The following KIRREL3 variants were observed in gnomAD, a reference collection of about 807,000 sequenced individuals.
KIRREL3 encodes kirre like nephrin family adhesion molecule 3, also known as kin of IRRE-like protein 3.
A neutral mutation model predicts 89.7 loss-of-function variants in KIRREL3; 36 were observed. That is an observed-to-expected ratio of 0.40 (90% confidence interval 0.31 to 0.53). The LOEUF is 0.53. Among genes scored for constraint, KIRREL3 ranks in the 20% least tolerant of loss-of-function variants. KIRREL3 has a pLI of 0.49. For missense variants in KIRREL3, 864 were observed against 1,056.6 expected (o/e 0.82, Z 2.53); for synonymous variants, 445 against 441.4 (o/e 1.01, Z -0.10).
rs1957326085 is a variant in KIRREL3, at chr11:126,485,201, CAG to C, written c.434-11737_434-11736del. On this transcript the variant is annotated intron_variant, in intron 4 of 16. Coordinates refer to ENST00000525144, the MANE Select transcript of KIRREL3 (RefSeq NM_032531.4). The surrounding 1 kb of genome is among the most constrained non-coding windows in gnomAD (Gnocchi z 5.8). ...GACGTGTCTCCAAGGAGGTTGGGGA[CAG>C]AGAGAAAAGAGGAACAAGGAGCAAG... 6.6e-6 allele frequency among the ~76,000 whole-genome samples: 1 copy of C among 151,960 alleles called. No homozygotes were observed. Among genetic ancestry groups the C allele is most frequent in the African/African-American group, 2.4e-5 (1 of 41,360 alleles).
chr11:126,777,897 G>A (rs1565723572), intron 1 of KIRREL3, among the ~76,000 whole-genome samples: 1 of 152,148 alleles, frequency 6.6e-6, no homozygotes, highest in Admixed American at 6.5e-5. Flanking sequence ...CTTCCATGGT[G>A]ATAGAAATAC....
intron 2 of KIRREL3, among the ~76,000 whole-genome samples, chr11:126,546,589 C>T (rs934377651): frequency 6.6e-6 from 1 of 152,220 alleles, no homozygotes; most frequent in Non-Finnish European, 1.5e-5. Context: ...TATTCATTTT[C>T]TCTCCTCGGT....
intron 1 of KIRREL3, among the ~76,000 whole-genome samples, chr11:126,825,729 C>G (rs2134466946): frequency 6.6e-6 from 1 of 152,278 alleles, no homozygotes; most frequent in African/African-American, 2.4e-5. Context: ...TTGGGTCAAG[C>G]ACTTTATGTA....
chr11:126,587,588 A>G lies in KIRREL3; in HGVS notation c.56-24676T>C, dbSNP rs770794492. Among the ~76,000 whole-genome samples the G allele has an allele frequency of 5.9e-5, 9 of 152,218 alleles. No homozygotes were observed. The highest frequency in any genetic ancestry group is 1.0e-4 in the Non-Finnish European group (7 of 68,046). On this transcript the variant is annotated intron_variant, in intron 1 of 16. Coordinates refer to ENST00000525144, the MANE Select transcript of KIRREL3 (RefSeq NM_032531.4). The surrounding 1 kb of genome is among the most constrained non-coding windows in gnomAD (Gnocchi z 5.2). The stretch of plus-strand genomic sequence containing the variant: ...GAGCCAGAAATGCACCCAAACTGAA[A>G]GAGGAGCACGCAGCACCAATCCCTG...
rs147239247 is a variant in KIRREL3, at chr11:126,668,739, TTC to T, written c.56-105829_56-105828del. Among the ~76,000 whole-genome samples the T allele has an allele frequency of 0.018, 1,432 of 80,664 alleles. 19 individuals carry two copies. Among genetic ancestry groups the T allele is most frequent in the South Asian group, 0.026 (60 of 2,286 alleles). 52.9% of individuals were successfully genotyped at this position (80,664 alleles called of 152,430 possible). A position where few individuals can be genotyped will look rare whatever the true frequency, so the allele number is the denominator to read the frequency against. On this transcript the variant is annotated intron_variant, in intron 1 of 16. Transcript: ENST00000525144. The surrounding 1 kb of genome is among the most constrained non-coding windows in gnomAD (Gnocchi z 4.4). Reference sequence around the variant, plus strand: ...TTTCTTTCTTTCTTTCTTTCTTTCTTTCTTTCTTTCTTTCTTTTTTCTCTTTC... The same window carrying T: ...TTTCTTTCTTTCTTTCTTTCTTTCTTTTTCTTTCTTTCTTTTTTCTCTTTC...
rs1402102328 is a variant in KIRREL3 at position 126,761,337 on chromosome 11, G to C, written c.56-198425C>G. 6.6e-6 allele frequency among the ~76,000 whole-genome samples: 1 copy of C among 151,816 alleles called. No homozygotes were observed. The highest frequency in any genetic ancestry group is 2.0e-4 in the East Asian group (1 of 5,110). The stretch of plus-strand genomic sequence containing the variant: ...CACCAGAGGGGACTGTGATGAGTTG[G>C]CTTCTCAGGAGTTTCCTACTCGCTG... On this transcript the variant is annotated intron_variant, in intron 1 of 16. Transcript: ENST00000525144. This position sits in a 1 kb window ranked among gnomAD's most constrained non-coding sequence, Gnocchi z 4.4.
intron 1 of KIRREL3, among the ~76,000 whole-genome samples, chr11:126,758,144 CA>C (rs1164214455): frequency 6.6e-6 from 1 of 152,218 alleles, no homozygotes; most frequent in Non-Finnish European, 1.5e-5. Flanking sequence ...TTAAGACTCT[CA>C]AAGTACTAGC....
intron 13 of KIRREL3, among the ~76,000 whole-genome samples, chr11:126,433,800 T>C (rs1955220486): frequency 6.6e-6 from 1 of 152,224 alleles, no homozygotes; most frequent in Admixed American, 6.5e-5. Flanking sequence ...GTAAGTTTCC[T>C]TGGAAAAACA....
chr11:126,452,468 G>A (rs934856936), intron 7 of KIRREL3, among the ~76,000 whole-genome samples: 17 of 152,248 alleles, frequency 1.1e-4, no homozygotes, highest in African/African-American at 4.1e-4. Context: ...GGGCTGGGAA[G>A]GCAGGGAGCC....
chr11:126,551,718 C>T lies in KIRREL3; in HGVS notation c.133+11117G>A, dbSNP rs1451340317. ...CAGGCTGAGTGCAATGGTGTGACCT[C>T]GGCTCACTGCAACCTCTCCTGGGTT... On this transcript the variant is annotated intron_variant, in intron 2 of 16. Coordinates refer to ENST00000525144, the MANE Select transcript of KIRREL3 (RefSeq NM_032531.4). This position sits in a 1 kb window ranked among gnomAD's most constrained non-coding sequence, Gnocchi z 4.9. 4.7e-5 allele frequency among the ~76,000 whole-genome samples: 7 copies of T among 149,634 alleles called. No individual in the cohort carries two copies. The highest frequency in any genetic ancestry group is 7.5e-5 in the African/African-American group (3 of 40,248).
chr11:126,623,835 C>A lies in KIRREL3; in HGVS notation c.56-60923G>T, dbSNP rs1943670754. Among the ~76,000 whole-genome samples, 1 of 152,184 alleles carries A rather than the reference C, an allele frequency of 6.6e-6. No individual in the cohort carries two copies. The highest frequency in any genetic ancestry group is 6.5e-5 in the Admixed American group (1 of 15,280). ...GAAAACCCCTTTCCCTGTGTTGAGG[C>A]CCTCTGTTGAACCTGGCAATAAACG... On this transcript the variant is annotated intron_variant, in intron 1 of 16. Transcript: ENST00000525144. The surrounding 1 kb of genome is among the most constrained non-coding windows in gnomAD (Gnocchi z 4.1).
chr11:126,791,762 G>T lies in KIRREL3; in HGVS notation c.55+208693C>A, dbSNP rs894567383. 2.6e-5 allele frequency among the ~76,000 whole-genome samples: 4 copies of T among 152,290 alleles called. No individual in the cohort carries two copies. The highest frequency in any genetic ancestry group is 2.9e-5 in the Non-Finnish European group (2 of 68,020). ...GGGATGGCCAGACCTTGCCTTCTTT[G>T]ATTTCTAGAAGACTTCCTTTGCTTG... is the stretch of plus-strand genomic sequence containing the variant. On this transcript the variant is annotated intron_variant, in intron 1 of 16. Coordinates refer to ENST00000525144, the MANE Select transcript of KIRREL3 (RefSeq NM_032531.4). This position sits in a 1 kb window ranked among gnomAD's most constrained non-coding sequence, Gnocchi z 4.8.
In KIRREL3 at chr11:126,594,378, G is replaced by A. The variant is rs1288124000; in HGVS notation, c.56-31466C>T. ...TCCCTCACTGGACCAGAAGCTCCTC[G>A]AGGAAACTCTGCGCCCTTTAGACTC... is the stretch of plus-strand genomic sequence containing the variant. On this transcript the variant is annotated intron_variant, in intron 1 of 16. Transcript: ENST00000525144. The surrounding 1 kb of genome is among the most constrained non-coding windows in gnomAD (Gnocchi z 5.0). 2.6e-5 allele frequency among the ~76,000 whole-genome samples: 4 copies of A among 152,140 alleles called. No individual in the cohort carries two copies. Among genetic ancestry groups the A allele is most frequent in the Admixed American group, 1.3e-4 (2 of 15,282 alleles).
rs1945944335 is a variant in KIRREL3, at chr11:126,892,046, T to C, written c.55+108409A>G. On this transcript the variant is annotated intron_variant, in intron 1 of 16. Transcript: ENST00000525144. The surrounding 1 kb of genome is among the most constrained non-coding windows in gnomAD (Gnocchi z 5.4). ...TGGAGACAGAATGCTGGACTCTGGGTGCCTGAATTCTGATCCTGGCTCTAT... is the reference window on the plus strand; with the variant it reads ...TGGAGACAGAATGCTGGACTCTGGGCGCCTGAATTCTGATCCTGGCTCTAT... 2.6e-5 allele frequency among the ~76,000 whole-genome samples: 4 copies of C among 152,120 alleles called. No individual in the cohort carries two copies. Among genetic ancestry groups the C allele is most frequent in the Admixed American group, 2.6e-4 (4 of 15,272 alleles).
chr11:126,618,969 TG>T, intron 1 of KIRREL3, among the ~76,000 whole-genome samples: 1 of 152,360 alleles, frequency 6.6e-6, no homozygotes, highest in Non-Finnish European at 1.5e-5. Flanking sequence ...TTCTAGAACC[TG>T]GCAGGCCAGA....
chr11:126,664,841 A>T lies in KIRREL3; in HGVS notation c.56-101929T>A, dbSNP rs1945582475. On this transcript the variant is annotated intron_variant, in intron 1 of 16. Transcript: ENST00000525144. The surrounding 1 kb of genome is among the most constrained non-coding windows in gnomAD (Gnocchi z 5.4). ...ATCTATGAACCTCTTGTGCCCTTAG[A>T]CAGGGGGGCATTCCCTGCCTCAACC... Among the ~76,000 whole-genome samples, 1 of 152,152 alleles carries T rather than the reference A, an allele frequency of 6.6e-6. No homozygotes were observed. The highest frequency in any genetic ancestry group is 1.5e-5 in the Non-Finnish European group (1 of 68,022).
intron 1 of KIRREL3, among the ~76,000 whole-genome samples, chr11:126,735,075 T>C (rs1373390837): frequency 1.3e-5 from 2 of 152,330 alleles, no homozygotes; most frequent in South Asian, 2.1e-4. Flanking sequence ...TGTTGGCTGC[T>C]GCCTGATGGA....
intron 4 of KIRREL3, among the ~76,000 whole-genome samples, chr11:126,518,815 G>A (rs1287644413): frequency 6.6e-6 from 1 of 152,262 alleles, no homozygotes; most frequent in Non-Finnish European, 1.5e-5. Context: ...TAGGTGGGGT[G>A]CTATACCCCA....
chr11:126,729,568 A>G lies in KIRREL3; in HGVS notation c.56-166656T>C, dbSNP rs1424213103. Among the ~76,000 whole-genome samples the G allele has an allele frequency of 6.6e-6, 1 of 152,140 alleles. No individual in the cohort carries two copies. Among genetic ancestry groups the G allele is most frequent in the East Asian group, 1.9e-4 (1 of 5,190 alleles). ...TGCCAGGGTACTGTCCCTGTAAACAATGAGGCTGGAAGGCAAGAAAGGAGC... is the reference window on the plus strand; with the variant it reads ...TGCCAGGGTACTGTCCCTGTAAACAGTGAGGCTGGAAGGCAAGAAAGGAGC... On this transcript the variant is annotated intron_variant, in intron 1 of 16. Coordinates refer to ENST00000525144, the MANE Select transcript of KIRREL3 (RefSeq NM_032531.4). This position sits in a 1 kb window ranked among gnomAD's most constrained non-coding sequence, Gnocchi z 4.5.
Sources: allele counts gnomAD v4.1 joint callset (sites outside exome capture counted in the v4.1 genomes callset), GRCh38; gene constraint gnomAD v4.1.1; non-coding constraint Gnocchi (gnomAD v3.1); transcripts MANE v1.5; gene names NCBI Gene and HGNC (gene_info 2026-07-23, HGNC 2026-07-21).